Variants in FER observed in about 807,000 individuals in gnomAD.
FER encodes the protein tyrosine-protein kinase Fer.
In FER, 63 loss-of-function variants were observed where a neutral mutation model predicts 111.0. The ratio of observed to expected loss-of-function variants is 0.57; its 90% confidence interval spans 0.46 to 0.70. The LOEUF is 0.70. Ranked by LOEUF, FER falls within the 30% of genes least tolerant of loss-of-function variation. The probability of loss-of-function intolerance (pLI) is 0.00; values close to 1 mark genes in which losing one functional copy is unlikely to be tolerated. For missense variants in FER, 914 were observed against 954.0 expected, an observed-to-expected ratio of 0.96 and a Z score of 0.55; for synonymous variants, 327 against 313.9, an observed-to-expected ratio of 1.04 and a Z score of -0.44.
chr5:109,116,481 G>A (rs979223916), intron 17 of FER, among the ~76,000 whole-genome samples: 1 of 150,672 alleles, frequency 6.6e-6, no homozygotes, highest in Non-Finnish European at 1.5e-5. Context: ...CTTCATTTCT[G>A]TTTGAAAGTA....
intron 9 of FER, among the ~76,000 whole-genome samples, chr5:108,895,881 C>G (rs1211300650): frequency 6.6e-6 from 1 of 151,814 alleles, no homozygotes. Context: ...TGCCTTGTGC[C>G]TTGTCATTTC....
chr5:109,113,589 A>G (rs1749881996), intron 17 of FER, among the ~76,000 whole-genome samples: 1 of 152,106 alleles, frequency 6.6e-6, no homozygotes, highest in South Asian at 2.1e-4. Flanking sequence ...TTGTTTAAAT[A>G]TTGTTGCTTT....
intron 5 of FER, among the ~76,000 whole-genome samples, chr5:108,839,112 AACACAT>A (rs1430627818): frequency 7.9e-5 from 12 of 152,200 alleles, no homozygotes; most frequent in African/African-American, 2.9e-4. Context: ...ATCACTACTA[AACACAT>A]ACATATCCAC....
intron 1 of FER, among the ~76,000 whole-genome samples, chr5:108,751,553 A>G (rs1750514800): frequency 2.0e-5 from 3 of 152,338 alleles, no homozygotes; most frequent in East Asian, 1.9e-4. Flanking sequence ...ATAAATAAAC[A>G]TCTTTTGGAG....
chr5:109,026,771 C>T (rs567790449), intron 13 of FER, among the ~76,000 whole-genome samples: 8 of 152,092 alleles, frequency 5.3e-5, no homozygotes, highest in Non-Finnish European at 1.0e-4. Context: ...TTCCGCCTCC[C>T]GGGTTCAAGG....
intron 3 of FER, among the ~76,000 whole-genome samples, chr5:108,827,823 T>TTTC (rs1491112180): frequency 9.1e-4 from 1 of 1,098 alleles, no homozygotes; most frequent in African/African-American, 3.2e-3. Flanking sequence ...AGTTAGTATC[T>TTTC]TTTTTTTTTT....
chr5:109,059,360 TAA>T (rs569822598), intron 16 of FER, among the ~76,000 whole-genome samples: 162 of 136,218 alleles, frequency 1.2e-3, no homozygotes, highest in African/African-American at 1.1e-3. Context: ...CTGCCTCTAC[TAA>T]AAAAAAAAAA....
chr5:109,150,945 G>GTATT (rs1561960859), intron 17 of FER, among the ~76,000 whole-genome samples: 1 of 151,842 alleles, frequency 6.6e-6, no homozygotes, highest in Non-Finnish European at 1.5e-5. Context: ...AATCAAAGTG[G>GTATT]TATTTAATAC....
chr5:109,181,261 T>C (rs1156957522), intron 18 of FER, among the ~76,000 whole-genome samples: 2 of 152,192 alleles, frequency 1.3e-5, no homozygotes, highest in Non-Finnish European at 2.9e-5. Flanking sequence ...TCATCTGATG[T>C]TAGGTTCCTA....
chr5:108,855,402 G>T (rs929111407), intron 5 of FER, among the ~76,000 whole-genome samples: 1 of 152,098 alleles, frequency 6.6e-6, no homozygotes, highest in Non-Finnish European at 1.5e-5. Flanking sequence ...GGAGGCCGAG[G>T]CGGGCAGATG....
chr5:108,923,246 C>T (rs184005939), intron 10 of FER, among the ~76,000 whole-genome samples: 28 of 151,262 alleles, frequency 1.9e-4, no homozygotes, highest in Middle Eastern at 3.5e-3. Context: ...TTTTGATGGA[C>T]GTGATATAAA....
At chr5:108,848,383 C>T (rs1406409594) in intron 5 of FER, among the ~76,000 whole-genome samples, 3 of 152,042 alleles carry the variant, frequency 2.0e-5, no homozygotes, top group African/African-American at 4.8e-5. Flanking sequence ...TTTTGTTCCA[C>T]GTATTCTGTA....
intron 3 of FER, among the ~76,000 whole-genome samples, chr5:108,818,989 T>C (rs1272574592): frequency 3.3e-5 from 5 of 152,112 alleles, no homozygotes; most frequent in Non-Finnish European, 5.9e-5. Flanking sequence ...AGTTTAATAA[T>C]ATTCTCCTTA....
intron 16 of FER, among the ~76,000 whole-genome samples, chr5:109,073,500 T>C (rs1050217743): frequency 3.3e-5 from 5 of 152,168 alleles, no homozygotes; most frequent in Admixed American, 3.3e-4. Flanking sequence ...GGGGCCGGTA[T>C]CTGCACCTTA....
chr5:109,000,817 G>C (rs1286078723), intron 13 of FER, among the ~76,000 whole-genome samples: 1 of 152,012 alleles, frequency 6.6e-6, no homozygotes, highest in Non-Finnish European at 1.5e-5. Flanking sequence ...AATGACAAAA[G>C]GGATATCACC....
rs1158232776 is a variant in FER, at chr5:109,192,026, T to C, written c.*4451T>C. The C allele has an allele frequency of 1.3e-5, 2 of 152,160 alleles. No individual in the cohort carries two copies. Among genetic ancestry groups the C allele is most frequent in the Admixed American group, 1.3e-4 (2 of 15,276 alleles). The allele number at this position is 152,160 out of a possible 1,614,324, so 9.4% of individuals were successfully genotyped here. ...CATTAAAAGCCATCCTCCTGCCTCA[T>C]ACCGATTCAGAAATTAAATTCTGAA... On this transcript the variant is annotated 3_prime_UTR_variant, in exon 20 of 20. Coordinates refer to ENST00000281092, the MANE Select transcript of FER (RefSeq NM_005246.4).
At chr5:109,067,270 C>CTGT (rs1337776634) in intron 16 of FER, among the ~76,000 whole-genome samples, 5 of 137,866 alleles carry the variant, frequency 3.6e-5, no homozygotes, top group African/African-American at 8.1e-5. Context: ...GTTGCTGTTG[C>CTGT]TGCTGCTGCT....
Position 109,098,362 on chromosome 5 carries a change from A to G in FER, c.1925-2034A>G, listed in dbSNP as rs79168951. Among the ~76,000 whole-genome samples the G allele has an allele frequency of 7.8e-3, 1,187 of 151,908 alleles. 3 individuals are homozygous for G. The highest frequency in any genetic ancestry group is 0.01 in the Non-Finnish European group (702 of 67,756). ...AGTAAATTTTTAAAAGGCAGGAGGC[A>G]GATGATAAAGTGCTAACTGGAAAAA... is the stretch of plus-strand genomic sequence containing the variant. On this transcript the variant is annotated intron_variant, in intron 16 of 19. Coordinates refer to ENST00000281092, the MANE Select transcript of FER (RefSeq NM_005246.4).
intron 13 of FER, among the ~76,000 whole-genome samples, chr5:108,993,139 C>A (rs1027815598): frequency 2.0e-5 from 3 of 151,998 alleles, no homozygotes; most frequent in African/African-American, 7.2e-5. Flanking sequence ...GACGGGGTGG[C>A]GGCCGGGCAG....
Sources: gnomAD v4.1 joint callset for allele counts (sites outside exome capture counted in the v4.1 genomes callset) on GRCh38, gnomAD v4.1.1 for gene constraint, MANE v1.5 for transcripts, NCBI Gene and HGNC (gene_info 2026-07-23, HGNC 2026-07-21) for gene names.